Variants in EXOC6B observed in about 807,000 individuals in gnomAD.
EXOC6B encodes the protein SEC15 homolog B.
EXOC6B carries 54 observed loss-of-function variants against 113.5 expected under a neutral mutation model. The observed-to-expected ratio is 0.48, with a 90% CI of 0.38 to 0.60. EXOC6B has a LOEUF of 0.60. EXOC6B is among the 20% of genes least tolerant of loss of function. The pLI is 0.00. For synonymous variants in EXOC6B, 357 were observed against 339.0 expected (o/e 1.05, Z -0.58); for missense variants, 797 against 977.5 (o/e 0.82, Z 2.46).
chr2:72,235,435 G>C (rs1039300394), intron 20 of EXOC6B, among the ~76,000 whole-genome samples: 1 of 152,074 alleles, frequency 6.6e-6, no homozygotes, highest in Non-Finnish European at 1.5e-5. Context: ...GGAGAGGATC[G>C]AAAAACTACC....
At chr2:72,420,373 G>A (rs1478749254) in intron 18 of EXOC6B, among the ~76,000 whole-genome samples, 2 of 152,068 alleles carry the variant, frequency 1.3e-5, no homozygotes, top group Admixed American at 1.3e-4. Flanking sequence ...TTTTCCTAAT[G>A]CTATCCCTCC....
chr2:72,380,910 C>G (rs1558610867), intron 18 of EXOC6B, among the ~76,000 whole-genome samples: 1 of 152,100 alleles, frequency 6.6e-6, no homozygotes, highest in Non-Finnish European at 1.5e-5. Flanking sequence ...TTTAAAAACA[C>G]TATGATCAAA....
intron 1 of EXOC6B, among the ~76,000 whole-genome samples, chr2:72,794,924 A>G (rs1260444923): frequency 6.6e-6 from 1 of 152,242 alleles, no homozygotes; most frequent in Non-Finnish European, 1.5e-5. Flanking sequence ...ATGAAATTCA[A>G]AGCAAGTACA....
At chr2:72,585,149 A>G (rs1315761141) in intron 6 of EXOC6B, among the ~76,000 whole-genome samples, 1 of 151,944 alleles carries the variant, frequency 6.6e-6, no homozygotes, top group African/African-American at 2.4e-5. Context: ...AGAAAAAACC[A>G]TCAGAGAAGA....
rs1194098921 is a variant in EXOC6B at position 72,787,230 on chromosome 2, G to A, written c.113+38568C>T. 3.4e-5 allele frequency among the ~76,000 whole-genome samples: 5 copies of A among 145,468 alleles called. No individual in the cohort carries two copies. In the East Asian group the frequency reaches 7.9e-4, roughly 23 times the overall value. On this transcript the variant is annotated intron_variant, in intron 1 of 21. Transcript: ENST00000272427. ...TTATTTTTATTTTTTATTTTTTTTC[G>A]AGACAGAGTCTCACTCTGTCGCCCA... is the stretch of plus-strand genomic sequence containing the variant.
At chr2:72,555,257 T>C (rs1279149369) in intron 8 of EXOC6B, among the ~76,000 whole-genome samples, 2 of 152,222 alleles carry the variant, frequency 1.3e-5, no homozygotes, top group African/African-American at 4.8e-5. Flanking sequence ...TTATAATCCT[T>C]TGGGTATATA....
chr2:72,277,432 G>A (rs1163172646), intron 20 of EXOC6B, among the ~76,000 whole-genome samples: 1 of 151,666 alleles, frequency 6.6e-6, no homozygotes, highest in Non-Finnish European at 1.5e-5. Flanking sequence ...TGGCTTCTAT[G>A]CAACACAGCT....
intron 16 of EXOC6B, among the ~76,000 whole-genome samples, chr2:72,487,128 T>C (rs772590064): frequency 6.6e-6 from 1 of 152,204 alleles, no homozygotes; most frequent in Non-Finnish European, 1.5e-5. Flanking sequence ...TACATTACTA[T>C]GGTACATTTG....
intron 6 of EXOC6B, among the ~76,000 whole-genome samples, chr2:72,687,682 A>ACCTTAACTTAAG (rs1317837445): frequency 6.6e-6 from 1 of 152,180 alleles, no homozygotes; most frequent in South Asian, 2.1e-4. Flanking sequence ...TTAAGCTGAA[A>ACCTTAACTTAAG]GTCTGCTTAA....
chr2:72,823,459 G>GAGAAAAA (rs1686693174), intron 1 of EXOC6B, among the ~76,000 whole-genome samples: 1 of 70,030 alleles, frequency 1.4e-5, no homozygotes, highest in African/African-American at 8.2e-5. Context: ...AAAGTTTTAA[G>GAGAAAAA]AAAAAAAAAA....
At chr2:72,416,175 A>C (rs1183301517) in intron 18 of EXOC6B, among the ~76,000 whole-genome samples, 1 of 152,168 alleles carries the variant, frequency 6.6e-6, no homozygotes, top group African/African-American at 2.4e-5. Context: ...TTTTGTTTAC[A>C]TTTCATTAGA....
intron 20 of EXOC6B, among the ~76,000 whole-genome samples, chr2:72,241,093 G>A (rs1279352982): frequency 2.6e-5 from 4 of 152,142 alleles, no homozygotes; most frequent in Non-Finnish European, 5.9e-5. Flanking sequence ...TAAAACAACT[G>A]TGATTAATAT....
At chr2:72,450,065 C>T (rs141703966) in intron 18 of EXOC6B, among the ~76,000 whole-genome samples, 374 of 152,194 alleles carry the variant, frequency 2.5e-3, no homozygotes, top group African/African-American at 8.1e-3. Context: ...CATTTATGGC[C>T]ACCAGGTGTA....
At chr2:72,304,568 T>C (rs529774660) in intron 20 of EXOC6B, among the ~76,000 whole-genome samples, 5 of 152,346 alleles carry the variant, frequency 3.3e-5, no homozygotes, top group Non-Finnish European at 5.9e-5. Context: ...AAAAGGTATG[T>C]ATGTTTTCAT....
intron 20 of EXOC6B, among the ~76,000 whole-genome samples, chr2:72,286,661 T>TAC (rs1685445442): frequency 6.6e-6 from 1 of 152,152 alleles, no homozygotes; most frequent in Non-Finnish European, 1.5e-5. Context: ...GTGATAATGA[T>TAC]ATGTCAGTGT....
intron 20 of EXOC6B, among the ~76,000 whole-genome samples, chr2:72,233,735 G>T (rs1336481861): frequency 6.6e-6 from 1 of 152,172 alleles, no homozygotes; most frequent in Non-Finnish European, 1.5e-5. Flanking sequence ...ACTAAATGCG[G>T]CTTCACTCCA....
At chr2:72,310,719 C>A (rs1687135038) in intron 20 of EXOC6B, among the ~76,000 whole-genome samples, 1 of 151,586 alleles carries the variant, frequency 6.6e-6, no homozygotes. Context: ...TTTTTGATGT[C>A]ATATTTAAGT....
intron 20 of EXOC6B, among the ~76,000 whole-genome samples, chr2:72,234,698 C>T (rs186313921): frequency 6.6e-6 from 1 of 152,070 alleles, no homozygotes; most frequent in Non-Finnish European, 1.5e-5. Context: ...CTATAGGGAA[C>T]ATAAATTAAG....
chr2:72,680,023 GC>G, intron 6 of EXOC6B, among the ~76,000 whole-genome samples: 1 of 152,104 alleles, frequency 6.6e-6, no homozygotes, highest in Non-Finnish European at 1.5e-5. Context: ...ATAAGAGAAT[GC>G]TTTTTTCCTA....
Sources: gnomAD v4.1 joint callset for allele counts (sites outside exome capture counted in the v4.1 genomes callset) on GRCh38, gnomAD v4.1.1 for gene constraint, MANE v1.5 for transcripts, NCBI Gene and HGNC (gene_info 2026-07-23, HGNC 2026-07-21) for gene names.